The following ATP10B variants were observed in gnomAD, a reference collection of about 807,000 sequenced individuals.
The protein encoded by ATP10B is ATPase phospholipid transporting 10B (putative).
In ATP10B, 122 loss-of-function variants were observed where a neutral mutation model predicts 141.2. That is an observed-to-expected ratio of 0.86 (90% CI 0.75 to 1.00). The LOEUF (loss-of-function observed/expected upper bound fraction) is 1.00, where lower values mean the gene tolerates loss of function less well. Ranked by LOEUF, ATP10B falls within the 50% of genes least tolerant of loss-of-function variation. The pLI is 0.00. For missense variants in ATP10B, 1,876 were observed against 1,825.3 expected (o/e 1.03, Z -0.51); for synonymous variants, 685 against 692.0 (o/e 0.99, Z 0.16).
At chr5:160,668,221 C>A (rs1232199484) in intron 7 of ATP10B, among the ~76,000 whole-genome samples, 1 of 68,936 alleles carries the variant, frequency 1.5e-5, no homozygotes, top group Non-Finnish European at 2.6e-5. Flanking sequence ...CAGAGCGAGA[C>A]TGTCCAAAAA....
chr5:160,732,774 A>G (rs2127796309), intron 2 of ATP10B, among the ~76,000 whole-genome samples: 1 of 152,262 alleles, frequency 6.6e-6, no homozygotes. Flanking sequence ...TTCTTTGGCT[A>G]CTTGGGGCCT....
chr5:160,914,778 C>G, the ATP10B span, among the ~76,000 whole-genome samples: 1 of 152,282 alleles, frequency 6.6e-6, no homozygotes, highest in East Asian at 1.9e-4. Context: ...AGGAGGTAGA[C>G]TTTCTGCAAT....
the ATP10B span, among the ~76,000 whole-genome samples, chr5:160,893,883 G>A: frequency 6.6e-6 from 1 of 152,162 alleles, no homozygotes; most frequent in African/African-American, 2.4e-5. Flanking sequence ...AGCCTCCACT[G>A]GTGATACCCA....
At chr5:160,755,822 A>AGT (rs1768501326) in intron 2 of ATP10B, among the ~76,000 whole-genome samples, 1 of 56,608 alleles carries the variant, frequency 1.8e-5, no homozygotes, top group Non-Finnish European at 3.0e-5. Flanking sequence ...CTCAAAAAAA[A>AGT]AAAAAAAAAA....
intron 13 of ATP10B, 142 bp from the exon 14 acceptor site, chr5:160,622,727 A>G (rs750777739): frequency 3.9e-4 from 287 of 736,630 alleles, no homozygotes; most frequent in Non-Finnish European, 5.8e-4. Flanking sequence ...AGGTCTGGCC[A>G]TTGCCAATTC....
intron 6 of ATP10B, among the ~76,000 whole-genome samples, chr5:160,672,713 C>G (rs1336165158): frequency 6.6e-6 from 1 of 152,222 alleles, no homozygotes; most frequent in African/African-American, 2.4e-5. Context: ...TGGGCATGTT[C>G]TTGTTTCTGT....
intron 14 of ATP10B, among the ~76,000 whole-genome samples, chr5:160,622,000 A>G (rs899127752): frequency 1.2e-4 from 19 of 152,230 alleles, no homozygotes; most frequent in Middle Eastern, 3.4e-3. Flanking sequence ...CTGAGCTACT[A>G]TTTCTTCGCT....
intron 1 of ATP10B, among the ~76,000 whole-genome samples, chr5:160,790,779 A>C (rs1366695682): frequency 6.6e-6 from 1 of 152,186 alleles, no homozygotes. Flanking sequence ...AATATGTTAC[A>C]TCACATGGCA....
intron 1 of ATP10B, among the ~76,000 whole-genome samples, chr5:160,844,197 A>AAT (rs938856397): frequency 4.7e-4 from 72 of 151,756 alleles, no homozygotes; most frequent in African/African-American, 1.1e-3. Flanking sequence ...ACCCAACAGA[A>AAT]ATATATATAT....
At chr5:160,616,112 A>T in intron 16 of ATP10B, 148 bp from the exon 17 acceptor site, 1 of 787,498 alleles carries the variant, frequency 1.3e-6, no homozygotes, top group Non-Finnish European at 1.9e-6. Context: ...CTTTTTTTTA[A>T]ATATGTAAAT....
intron 7 of ATP10B, among the ~76,000 whole-genome samples, chr5:160,669,396 G>A (rs1762519307): frequency 6.6e-6 from 1 of 152,160 alleles, no homozygotes; most frequent in South Asian, 2.1e-4. Flanking sequence ...TGAGAGGACG[G>A]TAACTTGCCC....
At chr5:160,865,365 AG>A in the ATP10B span, among the ~76,000 whole-genome samples, 1 of 152,162 alleles carries the variant, frequency 6.6e-6, no homozygotes, top group Non-Finnish European at 1.5e-5. Context: ...ACAACTGACA[AG>A]CCACATGTAA....
intron 10 of ATP10B, among the ~76,000 whole-genome samples, chr5:160,639,584 CA>C (rs1247217816): frequency 6.6e-6 from 1 of 152,140 alleles, no homozygotes; most frequent in Non-Finnish European, 1.5e-5. Flanking sequence ...CGGAAAAAGA[CA>C]AGGAATAGAG....
At chr5:160,641,877 A>C (rs2127676281) in intron 9 of ATP10B, among the ~76,000 whole-genome samples, 1 of 152,336 alleles carries the variant, frequency 6.6e-6, no homozygotes, top group South Asian at 2.1e-4. Context: ...TAGGAGCAAA[A>C]AAACTCTAGG....
intron 22 of ATP10B, among the ~76,000 whole-genome samples, chr5:160,596,063 A>G (rs910864703): frequency 6.6e-6 from 1 of 151,994 alleles, no homozygotes; most frequent in Non-Finnish European, 1.5e-5. Flanking sequence ...TCATCCTGAT[A>G]CCAAAGCCGG....
At chr5:160,683,040 C>CCA (rs765095450) in intron 6 of ATP10B, among the ~76,000 whole-genome samples, 20 of 66,950 alleles carry the variant, frequency 3.0e-4, no homozygotes, top group African/African-American at 4.5e-4. Flanking sequence ...CTCTGTCCCC[C>CCA]AAAAAAAAAA....
rs145828975 is a variant in ATP10B at position 160,852,085 on chromosome 5, T to C, written c.-720A>G. The C allele has an allele frequency of 8.2e-4, 125 of 152,254 alleles. No homozygotes were observed. Among genetic ancestry groups the C allele is most frequent in the African/African-American group, 2.9e-3 (120 of 41,558 alleles). 9.4% of individuals were successfully genotyped at this position (152,254 alleles called of 1,614,324 possible). ...ATTTTTCTGATTATATCTGATTATG[T>C]CAAGGCAAGGCCTCAAGCTAACACT... is the stretch of plus-strand genomic sequence containing the variant. On this transcript the variant is annotated 5_prime_UTR_variant, in exon 1 of 26. Coordinates refer to ENST00000327245, the MANE Select transcript of ATP10B (RefSeq NM_025153.3).
At chr5:160,856,078 A>G (rs112912604), upstream of ATP10B, among the ~76,000 whole-genome samples, 22 of 151,876 alleles carry the variant, frequency 1.4e-4, no homozygotes, top group African/African-American at 5.3e-4. Context: ...TTTTCATATA[A>G]ATTGTATAAT....
At chr5:160,775,395 A>T (rs1770220615) in intron 2 of ATP10B, among the ~76,000 whole-genome samples, 1 of 152,192 alleles carries the variant, frequency 6.6e-6, no homozygotes, top group African/African-American at 2.4e-5. Flanking sequence ...CTTTGTTTTC[A>T]CAGCTGAAAG....
Sources: gnomAD v4.1 joint callset for allele counts (sites outside exome capture counted in the v4.1 genomes callset) on GRCh38, gnomAD v4.1.1 for gene constraint, MANE v1.5 for transcripts, NCBI Gene and HGNC (gene_info 2026-07-23, HGNC 2026-07-21) for gene names.